Variants in SLC47A1 observed in about 807,000 individuals in gnomAD.
SLC47A1 encodes solute carrier family 47 member 1.
A neutral mutation model predicts 65.8 loss-of-function variants in SLC47A1; 58 were observed. The ratio of observed to expected loss-of-function variants is 0.88; its 90% CI spans 0.71 to 1.10. The LOEUF (loss-of-function observed/expected upper bound fraction) is 1.10. Among genes scored for constraint, SLC47A1 ranks in the 50% least tolerant of loss-of-function variants. The pLI, the probability that SLC47A1 is intolerant of heterozygous loss-of-function variation, is 0.00. For missense variants in SLC47A1, 706 were observed against 719.2 expected (o/e 0.98, Z 0.21); for synonymous variants, 285 against 295.0 (o/e 0.97, Z 0.35).
At chr17:19,574,149 C>T (rs923607782) in intron 16 of SLC47A1, among the ~76,000 whole-genome samples, 4 of 151,862 alleles carry the variant, frequency 2.6e-5, no homozygotes, top group Admixed American at 6.6e-5. Flanking sequence ...TCTCGAACTC[C>T]TGACCACAAG....
intron 6 of SLC47A1, among the ~76,000 whole-genome samples, chr17:19,552,490 A>G (rs1916478441): frequency 6.6e-6 from 1 of 152,158 alleles, no homozygotes; most frequent in South Asian, 2.1e-4. Flanking sequence ...GACCCTTGCT[A>G]AGGCAGCATG....
intron 6 of SLC47A1, among the ~76,000 whole-genome samples, chr17:19,552,598 T>C (rs1916482032): frequency 6.6e-6 from 1 of 152,010 alleles, no homozygotes; most frequent in Non-Finnish European, 1.5e-5. Context: ...CTGAGGACAA[T>C]GAGTGTGAAA....
chr17:19,538,318 G>A (rs1354861063), intron 1 of SLC47A1, among the ~76,000 whole-genome samples: 3 of 152,254 alleles, frequency 2.0e-5, no homozygotes. Flanking sequence ...TGGCAACACA[G>A]TCCACTGTAG....
chr17:19,558,231 G>A (rs192379701), intron 10 of SLC47A1, among the ~76,000 whole-genome samples: 6 of 152,134 alleles, frequency 3.9e-5, no homozygotes, highest in South Asian at 2.1e-4. Flanking sequence ...TTGTTCCTTC[G>A]TCTTTCTTGA....
intron 2 of SLC47A1, among the ~76,000 whole-genome samples, chr17:19,543,643 C>T (rs1230875550): frequency 1.3e-5 from 2 of 152,186 alleles, no homozygotes; most frequent in Admixed American, 6.5e-5. Flanking sequence ...TGCAAATCCT[C>T]TCTGTATAAT....
At chr17:19,575,828 T>C (rs1293389583) in intron 16 of SLC47A1, among the ~76,000 whole-genome samples, 2 of 152,146 alleles carry the variant, frequency 1.3e-5, no homozygotes. Context: ...AATCAACTTA[T>C]AATAAGGCCG....
At chr17:19,534,761 G>A (rs983213804) in intron 1 of SLC47A1, 2 of 152,150 alleles carry the variant, frequency 1.3e-5, no homozygotes, top group African/African-American at 2.4e-5. Context: ...GTTCTTATCT[G>A]TGGGATTCTT....
At position 19,540,450 on chromosome 17, in the gene SLC47A1, T is replaced by C. The variant is rs1916111512; in HGVS notation, c.136-1943T>C. Among the ~76,000 whole-genome samples the C allele has an allele frequency of 1.3e-5, 2 of 152,148 alleles. 1 individual carries two copies. The highest frequency in any genetic ancestry group is 4.1e-4 in the South Asian group (2 of 4,824). The stretch of plus-strand genomic sequence containing the variant: ...TTGGAAGTGATGCCGAGTTTACAAA[T>C]AAAAGGGACCCTGTGGCCTTTAAAG... On this transcript the variant is annotated intron_variant, in intron 1 of 16. Coordinates refer to ENST00000270570, the MANE Select transcript of SLC47A1 (RefSeq NM_018242.3).
At chr17:19,536,516 C>T (rs562843105) in intron 1 of SLC47A1, among the ~76,000 whole-genome samples, 17 of 152,206 alleles carry the variant, frequency 1.1e-4, no homozygotes, top group South Asian at 8.3e-4. Flanking sequence ...GAAATCTCAC[C>T]GCTGAGAGGT....
Position 19,540,849 on chromosome 17 carries a change from G to GACACACACACACAC in SLC47A1, c.136-1529_136-1516dup, listed in dbSNP as rs144308134. On this transcript the variant is annotated intron_variant, in intron 1 of 16. Transcript: ENST00000270570. ...CAAGAAAGATACTTCTCCTACAACAGACACACACACACACACACACACACA... is the reference window on the plus strand; with the variant it reads ...CAAGAAAGATACTTCTCCTACAACAGACACACACACACACACACACACACACACACACACACACA... Among the ~76,000 whole-genome samples, 452 of 142,996 alleles carry GACACACACACACAC rather than the reference G, an allele frequency of 3.2e-3. 5 individuals are homozygous for GACACACACACACAC. Among genetic ancestry groups the GACACACACACACAC allele is most frequent in the African/African-American group, 8.5e-3 (340 of 39,904 alleles). The allele number at this position is 142,996 out of a possible 152,430, so 93.8% of individuals were successfully genotyped here. A position where few individuals can be genotyped will look rare whatever the true frequency, so the allele number is the denominator to read the frequency against.
chr17:19,573,662 C>T (rs1487287139), intron 16 of SLC47A1, among the ~76,000 whole-genome samples: 1 of 152,042 alleles, frequency 6.6e-6, no homozygotes, highest in Admixed American at 6.6e-5. Context: ...GGATTACAGG[C>T]GTGAGCCACC....
At chr17:19,555,177 G>T in intron 6 of SLC47A1, 35 bp from the exon 7 acceptor site, 1 of 1,589,532 alleles carries the variant, frequency 6.3e-7, no homozygotes, top group South Asian at 1.1e-5. Context: ...CTATTCTGTG[G>T]ATCTCAAGGA....
In SLC47A1 at chr17:19,555,246, C is replaced by T. The variant is rs747356216; in HGVS notation, c.578C>T (p.Ala193Val). ...CTGCCCCAGATCGTAACTGGAGTTGCAGCCAACCTTGTCAATGCCCTCGCC... is the reference window on the plus strand; with the variant it reads ...CTGCCCCAGATCGTAACTGGAGTTGTAGCCAACCTTGTCAATGCCCTCGCC... ...IVLPQIVTGVAANLVNALANY... is the reference protein window; with the variant it reads ...IVLPQIVTGVVANLVNALANY... The change falls in exon 7 of 17, where the codon GCA becomes GTA. Residue 193 changes from alanine (A) to valine (V), a missense_variant. Transcript: ENST00000270570. 3 of 1,614,084 alleles carry T rather than the reference C, an allele frequency of 1.9e-6. No homozygotes were observed. The African/African-American group carries it at 4.0e-5, about 22-fold the overall frequency.
At chr17:19,577,259 T>A in intron 16 of SLC47A1, 68 bp from the exon 17 acceptor site, 1 of 1,578,244 alleles carries the variant, frequency 6.3e-7, no homozygotes, top group Non-Finnish European at 8.6e-7. Context: ...ATTCCTTTTA[T>A]ACATAGCCCT....
chr17:19,577,139 T>A (rs972487201), intron 16 of SLC47A1, among the ~76,000 whole-genome samples, 188 bp from the exon 17 acceptor site: 1 of 152,168 alleles, frequency 6.6e-6, no homozygotes, highest in Non-Finnish European at 1.5e-5. Context: ...GGTAGGATCA[T>A]CGGTGTTCGT....
chr17:19,542,776 T>C (rs75045964), intron 2 of SLC47A1, among the ~76,000 whole-genome samples: 8,161 of 144,338 alleles, frequency 0.057, 320 homozygotes, highest in East Asian at 0.19. Context: ...TCATTTATTT[T>C]ATTTTATTTT....
At chr17:19,556,708 G>A (rs576902511) in intron 10 of SLC47A1, among the ~76,000 whole-genome samples, 1 of 152,102 alleles carries the variant, frequency 6.6e-6, no homozygotes, top group African/African-American at 2.4e-5. Flanking sequence ...ACAGGTGCCT[G>A]CCACCACGCC....
chr17:19,550,429 C>T (rs184872349), intron 5 of SLC47A1, among the ~76,000 whole-genome samples: 170 of 152,318 alleles, frequency 1.1e-3, no homozygotes, highest in Non-Finnish European at 1.7e-3. Flanking sequence ...GATCCTCCCA[C>T]CTCAGCCTCC....
Position 19,533,904 on chromosome 17 carries a change from G to C in SLC47A1, c.-36G>C. 6.9e-7 allele frequency: 1 copy of C among 1,458,872 alleles called. No homozygotes were observed. The highest frequency in any genetic ancestry group is 9.0e-7 in the Non-Finnish European group (1 of 1,109,956). The allele number at this position is 1,458,872 out of a possible 1,614,324, so 90.4% of individuals were successfully genotyped here. Reference sequence around the variant, plus strand: ...GCCGGCCTCCGCGGTACCCACTGCCGGCCTCCGCGCTACCCGGCCGCAGCG... The same window carrying C: ...GCCGGCCTCCGCGGTACCCACTGCCCGCCTCCGCGCTACCCGGCCGCAGCG... On this transcript the variant is annotated 5_prime_UTR_variant, in exon 1 of 17. Transcript: ENST00000270570.
Sources: gnomAD v4.1 joint callset for allele counts (sites outside exome capture counted in the v4.1 genomes callset) on GRCh38, gnomAD v4.1.1 for gene constraint, MANE v1.5 for transcripts, NCBI Gene and HGNC (gene_info 2026-07-23, HGNC 2026-07-21) for gene names.